Variants in IMMP2L observed in about 807,000 individuals in gnomAD.
IMMP2L encodes the protein mitochondrial inner membrane protease subunit 2.
IMMP2L carries 18 observed loss-of-function variants against 19.3 expected under a neutral mutation model. The ratio of observed to expected loss-of-function variants is 0.93; its 90% CI spans 0.64 to 1.38. The LOEUF (loss-of-function observed/expected upper bound fraction) is 1.38. Ranked by LOEUF, IMMP2L falls within the 40% of genes most tolerant of loss-of-function variation. The pLI, the probability that IMMP2L is intolerant of heterozygous loss-of-function variation, is 0.00. For synonymous variants in IMMP2L, 76 were observed against 73.0 expected (o/e 1.04, Z -0.21); for missense variants, 233 against 218.2 (o/e 1.07, Z -0.43).
intron 4 of IMMP2L, among the ~76,000 whole-genome samples, chr7:110,947,651 T>C (rs1817394059): frequency 2.0e-5 from 3 of 152,166 alleles, no homozygotes. Flanking sequence ...TAAACTCCAT[T>C]CCAGTATGTA....
intron 4 of IMMP2L, among the ~76,000 whole-genome samples, chr7:110,908,351 T>A (rs777954574): frequency 6.6e-6 from 1 of 152,330 alleles, no homozygotes; most frequent in Middle Eastern, 3.4e-3. Flanking sequence ...TCTTTGAACA[T>A]CTTTCCTTTA....
chr7:110,862,673 A>G (rs1476758046), intron 5 of IMMP2L, among the ~76,000 whole-genome samples: 2 of 151,970 alleles, frequency 1.3e-5, no homozygotes, highest in African/African-American at 2.4e-5. Context: ...AAATAAATTT[A>G]CTTTTGCATT....
Position 110,892,293 on chromosome 7 carries a change from C to A in IMMP2L, c.306-5598G>T, listed in dbSNP as rs561473427. Among the ~76,000 whole-genome samples the A allele has an allele frequency of 2.6e-5, 4 of 152,236 alleles. No individual in the cohort carries two copies. The East Asian group carries it at 5.8e-4, about 22-fold the overall frequency. On this transcript the variant is annotated intron_variant, in intron 4 of 5. Transcript: ENST00000405709. ...CCTGAACAGACTGGTCACAAACCAT[C>A]GTCTGCTTTGTGGGTCCAACTTGTC...
intron 3 of IMMP2L, among the ~76,000 whole-genome samples, chr7:111,297,322 G>A (rs1241503456): frequency 6.6e-6 from 1 of 151,980 alleles, no homozygotes; most frequent in African/African-American, 2.4e-5. Flanking sequence ...GGAGAAAACT[G>A]GGTAAAAGAA....
chr7:111,187,832 G>C (rs1345387569), intron 3 of IMMP2L, among the ~76,000 whole-genome samples: 1 of 152,166 alleles, frequency 6.6e-6, no homozygotes, highest in Non-Finnish European at 1.5e-5. Flanking sequence ...ATTAATTGTA[G>C]ATTTGGGAAT....
At position 111,522,926 on chromosome 7, in the gene IMMP2L, C is replaced by CATATATATATATATATATATATATAT. The variant is rs148789480; in HGVS notation, c.-2-1478_-2-1477insATATATATATATATATATATATATAT. 1.5e-3 allele frequency among the ~76,000 whole-genome samples: 199 copies of CATATATATATATATATATATATATAT among 134,904 alleles called. 5 individuals are homozygous for CATATATATATATATATATATATATAT. Among genetic ancestry groups the CATATATATATATATATATATATATAT allele is most frequent in the African/African-American group, 1.8e-3 (56 of 31,738 alleles). The allele number at this position is 134,904 out of a possible 152,430, so 88.5% of individuals were successfully genotyped here. A position where few individuals can be genotyped will look rare whatever the true frequency, so the allele number is the denominator to read the frequency against. On this transcript the variant is annotated intron_variant, in intron 1 of 5. Coordinates refer to ENST00000405709, the MANE Select transcript of IMMP2L (RefSeq NM_032549.4). ...TGAATGAACTTTAAGATGTGAGATA[C>CATATATATATATATATATATATATAT]ATATATATATATTATTTCACCATAA...
intron 3 of IMMP2L, among the ~76,000 whole-genome samples, chr7:111,085,861 C>T (rs906102756): frequency 2.0e-5 from 3 of 152,098 alleles, no homozygotes; most frequent in Non-Finnish European, 2.9e-5. Context: ...CTGGAGGCTA[C>T]CATCCTTAGC....
chr7:110,791,289 T>A (rs1485873105), intron 5 of IMMP2L, among the ~76,000 whole-genome samples: 5 of 151,578 alleles, frequency 3.3e-5, no homozygotes, highest in Non-Finnish European at 5.9e-5. Flanking sequence ...TAAAATGGGT[T>A]CCACTGGCTT....
Position 110,663,533 on chromosome 7 carries a change from G to A in IMMP2L, c.*69C>T. 1 of 1,474,012 alleles carries A rather than the reference G, an allele frequency of 6.8e-7. No individual in the cohort carries two copies. The allele number at this position is 1,474,012 out of a possible 1,614,324, so 91.3% of individuals were successfully genotyped here. On this transcript the variant is annotated 3_prime_UTR_variant, in exon 6 of 6. Transcript: ENST00000405709. ...TTGTCAGAAGTTTTTCCCTTTTGGA[G>A]GCTTCTTTTTTCCATTCCTTTCCAG...
intron 5 of IMMP2L, among the ~76,000 whole-genome samples, chr7:110,783,006 G>A (rs1003163209): frequency 8.6e-5 from 13 of 151,914 alleles, no homozygotes; most frequent in Non-Finnish European, 1.6e-4. Context: ...ATAAGTAAGG[G>A]ATTATTATGA....
chr7:111,156,697 A>T (rs1804683049), intron 3 of IMMP2L, among the ~76,000 whole-genome samples: 1 of 151,872 alleles, frequency 6.6e-6, no homozygotes, highest in Non-Finnish European at 1.5e-5. Context: ...GCTAATATTA[A>T]TGTCGTCTTT....
intron 3 of IMMP2L, among the ~76,000 whole-genome samples, chr7:111,111,299 TAAA>T (rs751990466): frequency 1.1e-5 from 1 of 92,242 alleles, no homozygotes; most frequent in Admixed American, 1.3e-4. Context: ...GTAGCAGTTG[TAAA>T]AAAAAAAAAA....
intron 1 of IMMP2L, among the ~76,000 whole-genome samples, chr7:111,535,686 G>A (rs1244737723): frequency 1.3e-5 from 2 of 152,008 alleles, no homozygotes; most frequent in African/African-American, 4.8e-5. Context: ...TGGGGGGTGG[G>A]GAATGCAAAC....
chr7:111,172,057 A>C (rs747285857), intron 3 of IMMP2L, among the ~76,000 whole-genome samples: 7 of 151,432 alleles, frequency 4.6e-5, no homozygotes, highest in Non-Finnish European at 1.0e-4. Context: ...AAAAAGTAGT[A>C]TATGCCCAGA....
At chr7:110,750,195 C>T (rs1218579263) in intron 5 of IMMP2L, among the ~76,000 whole-genome samples, 1 of 152,056 alleles carries the variant, frequency 6.6e-6, no homozygotes, top group African/African-American at 2.4e-5. Flanking sequence ...AGCTTCTACT[C>T]ACTGATCTGG....
chr7:111,497,507 AAT>A (rs1443881386), intron 2 of IMMP2L, among the ~76,000 whole-genome samples: 1 of 152,156 alleles, frequency 6.6e-6, no homozygotes, highest in Admixed American at 6.5e-5. Flanking sequence ...ATTGTGGAAA[AAT>A]ATATATTTGG....
intron 3 of IMMP2L, among the ~76,000 whole-genome samples, chr7:111,158,322 CTG>C (rs1448012000): frequency 2.0e-5 from 3 of 152,012 alleles, no homozygotes; most frequent in Admixed American, 6.6e-5. Context: ...TCATCAAAGA[CTG>C]TTGCATACCA....
intron 3 of IMMP2L, among the ~76,000 whole-genome samples, chr7:111,140,201 C>T (rs977919608): frequency 2.0e-5 from 3 of 152,206 alleles, no homozygotes; most frequent in Admixed American, 6.5e-5. Context: ...GGGGGGATTT[C>T]AGAGGACAAA....
intron 3 of IMMP2L, among the ~76,000 whole-genome samples, chr7:111,157,084 A>T (rs1242326419): frequency 6.6e-6 from 1 of 152,096 alleles, no homozygotes; most frequent in Non-Finnish European, 1.5e-5. Context: ...AACAAATGCT[A>T]GTAAGGATGT....
Sources: allele counts gnomAD v4.1 joint callset (sites outside exome capture counted in the v4.1 genomes callset), GRCh38; gene constraint gnomAD v4.1.1; transcripts MANE v1.5; gene names NCBI Gene and HGNC (gene_info 2026-07-23, HGNC 2026-07-21).